The following SYNE1 variants were observed in gnomAD, a reference collection of about 807,000 sequenced individuals.
SYNE1 encodes spectrin repeat containing nuclear envelope protein 1.
A neutral mutation model predicts 1,111.0 loss-of-function variants in SYNE1; 616 were observed. The observed-to-expected ratio is 0.55, with a 90% confidence interval of 0.52 to 0.59. The LOEUF (loss-of-function observed/expected upper bound fraction) is 0.59, where lower values mean the gene tolerates loss of function less well. SYNE1 is among the 20% of genes least tolerant of loss of function. SYNE1 has a pLI of 0.00. For synonymous variants in SYNE1, 3,855 were observed against 3,825.8 expected (o/e 1.01, Z -0.28); for missense variants, 10,006 against 10,417.0 (o/e 0.96, Z 1.72).
chr6:152,286,681 T>A (rs1309702764), intron 95 of SYNE1, among the ~76,000 whole-genome samples: 1 of 152,192 alleles, frequency 6.6e-6, no homozygotes, highest in African/African-American at 2.4e-5. Context: ...TGGAGTTGTT[T>A]GTATATTCTG....
In SYNE1 at chr6:152,143,728, C is replaced by G. The variant is rs772057505; in HGVS notation, c.25014G>C (p.Leu8338=). ...HSALESQIRQ[L]GKALDDSRFQ... is the part of the protein sequence containing the mutation. Reference sequence around the variant, plus strand: ...AACGGCTATCATCCAGGGCTTTGCCCAGTTGTCGGATCTGTGACTCTAGGG... The same window carrying G: ...AACGGCTATCATCCAGGGCTTTGCCGAGTTGTCGGATCTGTGACTCTAGGG... Residue 8338 remains leucine, a synonymous_variant, in exon 138 of 146, where the codon CTG becomes CTC. Coordinates refer to ENST00000367255, the MANE Select transcript of SYNE1 (RefSeq NM_182961.4). 42 of 1,614,082 alleles carry G rather than the reference C, an allele frequency of 2.6e-5. No individual in the cohort carries two copies. The highest frequency in any genetic ancestry group is 3.2e-5 in the Non-Finnish European group (38 of 1,180,056).
chr6:152,539,913 A>C (rs771724093), intron 4 of SYNE1, 47 bp downstream of exon 4: 1 of 1,589,408 alleles, frequency 6.3e-7, no homozygotes, highest in East Asian at 2.2e-5. Flanking sequence ...TTAATGATTT[A>C]CTGGCTCAAC....
In SYNE1 at chr6:152,233,973, G is replaced by C; in HGVS notation, c.20530-10C>G. The C allele has an allele frequency of 6.2e-7, 1 of 1,613,712 alleles. No homozygotes were observed. The highest frequency in any genetic ancestry group is 8.5e-7 in the Non-Finnish European group (1 of 1,179,902). On this transcript the variant is annotated splice_polypyrimidine_tract_variant and intron_variant, in intron 111 of 145. Coordinates refer to ENST00000367255, the MANE Select transcript of SYNE1 (RefSeq NM_182961.4). ...CTTCTTTAGAAAACTCCTGAAACAA[G>C]TAGCGATGTTCAAATTAGGGTTAAA...
chr6:152,215,043 G>A lies in SYNE1; in HGVS notation c.22209C>T (p.Phe7403=). 1 of 1,614,032 alleles carries A rather than the reference G, an allele frequency of 6.2e-7. No homozygotes were observed. The highest frequency in any genetic ancestry group is 2.2e-5 in the East Asian group (1 of 44,880). The part of the protein sequence containing the change: ...MEELKGQMLK[F]SSMAPDLDRL... ...GGTCTAAATCTGGAGCCATGCTGCTGAATTTTAACATCTGTCCCTAGAAGG... is the reference window on the plus strand; with the variant it reads ...GGTCTAAATCTGGAGCCATGCTGCTAAATTTTAACATCTGTCCCTAGAAGG... Residue 7403 remains phenylalanine (F), a synonymous_variant, in exon 122 of 146, where the codon TTC becomes TTT. Transcript: ENST00000367255.
intron 17 of SYNE1, among the ~76,000 whole-genome samples, chr6:152,465,768 C>A (rs906287907): frequency 2.2e-5 from 3 of 139,524 alleles, no homozygotes; most frequent in African/African-American, 8.0e-5. Context: ...AGAACACATA[C>A]ACACACACAC....
chr6:152,386,133 T>C (rs2097523636), intron 54 of SYNE1, among the ~76,000 whole-genome samples: 1 of 152,222 alleles, frequency 6.6e-6, no homozygotes, highest in African/African-American at 2.4e-5. Flanking sequence ...ATAATTATTA[T>C]CATAACCATT....
intron 91 of SYNE1, among the ~76,000 whole-genome samples, chr6:152,302,614 A>T (rs961633352): frequency 1.3e-5 from 2 of 152,214 alleles, no homozygotes; most frequent in African/African-American, 4.8e-5. Flanking sequence ...TAGATAGGCT[A>T]GATATTGCAT....
At position 152,300,690 on chromosome 6, in the gene SYNE1, G is replaced by A. The variant is rs1302921311; in HGVS notation, c.17633C>T (p.Ala5878Val). Residue 5878 changes from alanine (A) to valine (V), a missense_variant, in exon 93 of 146, where the codon GCC becomes GTC. By Grantham distance (64) the Ala-to-Val change is moderately conservative (BLOSUM62 0). Around this residue, in one of 7 missense-constraint regions of SYNE1, gnomAD observed 4,955 missense variants for 5,017.2 expected, o/e 0.99. Coordinates refer to ENST00000367255, the MANE Select transcript of SYNE1 (RefSeq NM_182961.4). ...AGCCACAGGTGAAGGGGAGCGACAG[G>A]CAGGTGGAGAGGAAATCTCACTGTT... is the stretch of plus-strand genomic sequence containing the variant. ...GTNSEISSPP[A>V]CRSPSPVANT... The A allele has an allele frequency of 6.2e-6, 10 of 1,614,208 alleles. No homozygotes were observed. The highest frequency in any genetic ancestry group is 1.1e-5 in the South Asian group (1 of 91,084).
chr6:152,549,154 A>G (rs2099328465), intron 3 of SYNE1, among the ~76,000 whole-genome samples: 1 of 152,182 alleles, frequency 6.6e-6, no homozygotes, highest in Admixed American at 6.5e-5. Context: ...GAGGCCTAAG[A>G]CTTCGAGACT....
intron 126 of SYNE1, among the ~76,000 whole-genome samples, chr6:152,203,985 CTTAAA>C (rs1391740768): frequency 2.6e-5 from 4 of 152,136 alleles, no homozygotes; most frequent in Admixed American, 6.6e-5. Flanking sequence ...TCTCTTTCTG[CTTAAA>C]TTAAACAACA....
At chr6:152,180,662 G>A (rs1384756239) in intron 128 of SYNE1, among the ~76,000 whole-genome samples, 2 of 147,312 alleles carry the variant, frequency 1.4e-5, no homozygotes, top group East Asian at 2.0e-4. Context: ...AAAGAAGGGA[G>A]GAAAAAAAAG....
intron 59 of SYNE1, among the ~76,000 whole-genome samples, chr6:152,370,819 C>T (rs964760257): frequency 3.9e-5 from 6 of 152,184 alleles, no homozygotes; most frequent in Non-Finnish European, 8.8e-5. Flanking sequence ...TTCAAGGTTC[C>T]ACCTGTATCT....
In SYNE1 at chr6:152,148,002, T is replaced by C; in HGVS notation, c.24976+43A>G. The C allele has an allele frequency of 1.3e-6, 2 of 1,545,868 alleles. No homozygotes were observed. The highest frequency in any genetic ancestry group is 4.5e-5 in the East Asian group (2 of 44,572). ...TTTCCAGGGCAATATTAATTCCCTC[T>C]GACTTTCCTTTAAGCTGGCAAACTG... is the stretch of plus-strand genomic sequence containing the variant. On this transcript the variant is annotated intron_variant, in intron 137 of 145. Coordinates refer to ENST00000367255, the MANE Select transcript of SYNE1 (RefSeq NM_182961.4). This position sits in a 1 kb window ranked among gnomAD's most constrained non-coding sequence, Gnocchi z 4.1.
chr6:152,163,358 G>GC lies in SYNE1; in HGVS notation c.23790+804dup, dbSNP rs576289547. Among the ~76,000 whole-genome samples, 6 of 152,226 alleles carry GC rather than the reference G, an allele frequency of 3.9e-5. No individual in the cohort carries two copies. In the East Asian group the frequency reaches 1.2e-3, roughly 29 times the overall value. ...TATTAACAATACAAAAATTAGCCAG[G>GC]CATGGTGGTGCATGCCTGTAATCTC... On this transcript the variant is annotated intron_variant, in intron 131 of 145. Transcript: ENST00000367255.
chr6:152,467,370 TAACTA>T (rs1426050023), intron 16 of SYNE1, among the ~76,000 whole-genome samples: 1 of 152,112 alleles, frequency 6.6e-6, no homozygotes, highest in Non-Finnish European at 1.5e-5. Context: ...TTGAATAATT[TAACTA>T]AACAAGCAAT....
At chr6:152,172,097 A>G (rs2065355644) in intron 130 of SYNE1, among the ~76,000 whole-genome samples, 1 of 152,242 alleles carries the variant, frequency 6.6e-6, no homozygotes, top group Non-Finnish European at 1.5e-5. Flanking sequence ...TGACCTATGT[A>G]TATGAACTAT....
chr6:152,617,940 T>C (rs533319807), intron 3 of SYNE1, among the ~76,000 whole-genome samples: 3 of 152,268 alleles, frequency 2.0e-5, no homozygotes, highest in Admixed American at 1.3e-4. Context: ...CCATAGTTTA[T>C]AGAGGCTGAG....
At chr6:152,384,879 CA>C (rs200695551) in intron 55 of SYNE1, among the ~76,000 whole-genome samples, 11,144 of 123,162 alleles carry the variant, frequency 0.09, 804 homozygotes, top group East Asian at 0.23. Flanking sequence ...GACTCCATTT[CA>C]AAAAAAAAAA....
intron 50 of SYNE1, 67 bp from the exon 51 acceptor site, chr6:152,395,738 T>C: frequency 6.4e-7 from 1 of 1,554,458 alleles, no homozygotes; most frequent in Non-Finnish European, 8.9e-7. Flanking sequence ...TTTTAATAGC[T>C]GAGGTCACAA....
Sources: allele counts gnomAD v4.1 joint callset (sites outside exome capture counted in the v4.1 genomes callset), GRCh38; gene constraint gnomAD v4.1.1; regional missense constraint gnomAD v4.1.1; non-coding constraint Gnocchi (gnomAD v3.1); transcripts MANE v1.5; gene names NCBI Gene and HGNC (gene_info 2026-07-23, HGNC 2026-07-21).